Variants in DNAJB11 observed in about 807,000 individuals in gnomAD.
DNAJB11 encodes the protein dnaJ homolog subfamily B member 11.
In DNAJB11, 30 loss-of-function variants were observed where a neutral mutation model predicts 47.2. The observed-to-expected ratio is 0.64, with a 90% CI of 0.48 to 0.86. The LOEUF (loss-of-function observed/expected upper bound fraction) is 0.86, where lower values mean the gene tolerates loss of function less well. Among genes scored for constraint, DNAJB11 ranks in the 40% least tolerant of loss-of-function variants. The pLI is 0.00. For missense variants in DNAJB11, 357 were observed against 440.2 expected, an observed-to-expected ratio of 0.81 and a Z score of 1.69; for synonymous variants, 151 against 159.9, an observed-to-expected ratio of 0.94 and a Z score of 0.42.
chr3:186,579,515 C>T (rs1023074270), intron 4 of DNAJB11: 14 of 152,136 alleles, frequency 9.2e-5, no homozygotes, highest in African/African-American at 3.4e-4. Flanking sequence ...AGTTCCTGGT[C>T]TGTCTAATCT....
chr3:186,580,608 G>A (rs948683015), intron 4 of DNAJB11: 5 of 152,212 alleles, frequency 3.3e-5, no homozygotes, highest in Admixed American at 3.3e-4. Flanking sequence ...TCTGATTACT[G>A]TTATTGTTGC....
intron 2 of DNAJB11, among the ~76,000 whole-genome samples, chr3:186,575,103 A>G (rs1715221247): frequency 3.3e-5 from 5 of 152,248 alleles, no homozygotes; most frequent in Admixed American, 6.5e-5. Context: ...TTAAAACTTC[A>G]AGAATTATTT....
chr3:186,577,796 T>C lies in DNAJB11; in HGVS notation c.452T>C (p.Val151Ala). The C allele has an allele frequency of 6.3e-7, 1 of 1,597,748 alleles. No individual in the cohort carries two copies. Among genetic ancestry groups the C allele is most frequent in the South Asian group, 1.1e-5 (1 of 87,082 alleles). Residue 151 changes from valine to alanine, a missense_variant, in exon 4 of 10, where the codon GTG (valine) becomes GCG (alanine). Transcript: ENST00000265028. ...GAAGAAGTATATGCAGGAAATTTTG[T>C]GGAAGTAAGTTCAAACAATATAGCT... is the stretch of plus-strand genomic sequence containing the variant. ...TLEEVYAGNF[V>A]EVVRNKPVAR... is the part of the protein sequence containing the mutation.
rs368637259 is a variant in DNAJB11 at position 186,570,795 on chromosome 3, C to G, written c.-103C>G. On this transcript the variant is annotated 5_prime_UTR_variant, in exon 1 of 10. Transcript: ENST00000265028. ...GGACCAAGGAGACCCCCGCGCCCCC[C>G]CGGTGTGAGGCGGCCTCACAGGGCC... The G allele has an allele frequency of 7.4e-6, 8 of 1,088,238 alleles. No individual in the cohort carries two copies. The highest frequency in any genetic ancestry group is 8.1e-6 in the Non-Finnish European group (6 of 740,582). 67.4% of individuals were successfully genotyped at this position (1,088,238 alleles called of 1,614,324 possible). A position where few individuals can be genotyped will look rare whatever the true frequency, so the allele number is the denominator to read the frequency against.
In DNAJB11 at chr3:186,570,892, G is replaced by A. The variant is rs149168314; in HGVS notation, c.-6G>A. 5.1e-4 allele frequency: 818 copies of A among 1,604,716 alleles called. No homozygotes were observed. Among genetic ancestry groups the A allele is most frequent in the Non-Finnish European group, 5.9e-4 (689 of 1,175,510 alleles). On this transcript the variant is annotated 5_prime_UTR_variant, in exon 1 of 10. Transcript: ENST00000265028. ...TGTGTGGAACAGGACCCGGGACAGA[G>A]GAACCATGGCTCCGCAGAACCTGAG...
intron 7 of DNAJB11, 70 bp downstream of exon 7, chr3:186,582,843 A>T: frequency 8.9e-7 from 1 of 1,122,860 alleles, no homozygotes; most frequent in South Asian, 1.3e-5. Flanking sequence ...CCACCAGAGC[A>T]GTTAGACTTT....
intron 2 of DNAJB11, among the ~76,000 whole-genome samples, chr3:186,575,368 C>CGCGTGCGCGCGCGCGTGT: frequency 1.4e-5 from 2 of 143,458 alleles, no homozygotes; most frequent in South Asian, 4.5e-4. Flanking sequence ...CGCGCGCGCG[C>CGCGTGCGCGCGCGCGTGT]GTGTGTGTGT....
chr3:186,578,800 T>C (rs1715385930), intron 4 of DNAJB11: 1 of 152,250 alleles, frequency 6.6e-6, no homozygotes, highest in Admixed American at 6.5e-5. Flanking sequence ...TTGTAACTTG[T>C]CTTTTCATTA....
intron 3 of DNAJB11, among the ~76,000 whole-genome samples, chr3:186,576,705 G>C (rs1192376450): frequency 6.6e-6 from 1 of 152,088 alleles, no homozygotes; most frequent in Non-Finnish European, 1.5e-5. Flanking sequence ...GCCTGGGGTG[G>C]GGGAGTAGAT....
intron 2 of DNAJB11, among the ~76,000 whole-genome samples, chr3:186,573,093 C>T (rs1715142563): frequency 6.6e-6 from 1 of 152,120 alleles, no homozygotes; most frequent in South Asian, 2.1e-4. Flanking sequence ...TATATTAGAG[C>T]TAGGCATATT....
chr3:186,581,288 T>C, intron 4 of DNAJB11, 83 bp from the exon 5 acceptor site: 2 of 1,496,970 alleles, frequency 1.3e-6, no homozygotes, highest in Non-Finnish European at 1.8e-6. Context: ...AGTCCAGGCA[T>C]ATGTGCAGAG....
At chr3:186,581,698 T>C (rs1715490647) in intron 5 of DNAJB11, among the ~76,000 whole-genome samples, 185 bp downstream of exon 5, 2 of 151,944 alleles carry the variant, frequency 1.3e-5, no homozygotes, top group African/African-American at 4.8e-5. Flanking sequence ...CTTTTATGTT[T>C]CTGAACTAAC....
chr3:186,583,600 C>T (rs760084601), intron 7 of DNAJB11, among the ~76,000 whole-genome samples: 28 of 152,204 alleles, frequency 1.8e-4, no homozygotes, highest in Admixed American at 6.5e-5. Context: ...GATGATCTCC[C>T]CAGAAGCTGC....
chr3:186,571,117 G>A, intron 1 of DNAJB11, 152 bp downstream of exon 1: 2 of 689,308 alleles, frequency 2.9e-6, no homozygotes, highest in Non-Finnish European at 2.4e-6. Context: ...GGTAGTATGG[G>A]CCAGGCTAGT....
Position 186,585,381 on chromosome 3 carries a change from G to C in DNAJB11, c.1050G>C (p.Lys350Asn). The change falls in exon 10 of 10, where the codon AAG becomes AAC. Residue 350 changes from lysine to asparagine, a missense_variant. Transcript: ENST00000265028. Reference sequence around the variant, plus strand: ...TACTGAAACAAGGGTCAGTGCAGAAGGTATACAATGGACTGCAAGGATATT... The same window carrying C: ...TACTGAAACAAGGGTCAGTGCAGAACGTATACAATGGACTGCAAGGATATT... ...KQLLKQGSVQ[K>N]VYNGLQGY is the part of the protein sequence containing the mutation. 1.9e-6 allele frequency: 3 copies of C among 1,611,678 alleles called. No individual in the cohort carries two copies. Among genetic ancestry groups the C allele is most frequent in the Non-Finnish European group, 2.5e-6 (3 of 1,178,964 alleles).
chr3:186,579,556 A>G (rs185666574), intron 4 of DNAJB11: 2 of 152,274 alleles, frequency 1.3e-5, no homozygotes. Context: ...TGCTTAAAAT[A>G]TATGTGTTAT....
rs935077897 is a variant in DNAJB11, at chr3:186,572,348, T to C, written c.225+97T>C. 9 of 1,160,508 alleles carry C rather than the reference T, an allele frequency of 7.8e-6. No homozygotes were observed. In the Admixed American group the frequency reaches 1.2e-4, roughly 16 times the overall value. The allele number at this position is 1,160,508 out of a possible 1,614,324, so 71.9% of individuals were successfully genotyped here. ...ACTCCTTTCAGCTCACATTTATTTA[T>C]TTATTTATTTATTTTGAGACTGAGT... On this transcript the variant is annotated intron_variant, in intron 2 of 9. Transcript: ENST00000265028.
At chr3:186,574,083 T>A (rs79736582) in intron 2 of DNAJB11, among the ~76,000 whole-genome samples, 2,248 of 152,366 alleles carry the variant, frequency 0.015, 54 homozygotes, top group African/African-American at 0.051. Flanking sequence ...AGTACAGTTA[T>A]GAAGAATCTT....
In DNAJB11 at chr3:186,581,430, G is replaced by A; in HGVS notation, c.516G>A (p.Arg172=). The change falls in exon 5 of 10, where the codon CGG becomes CGA. Residue 172 remains arginine (R), a synonymous_variant. Coordinates refer to ENST00000265028, the MANE Select transcript of DNAJB11 (RefSeq NM_016306.6). The part of the protein sequence containing the change: ...QAPGKRKCNC[R]QEMRTTQLGP... ...CTGGCAAACGGAAGTGCAATTGTCGGCAAGAGATGCGGACCACCCAGCTGG... is the reference window on the plus strand; with the variant it reads ...CTGGCAAACGGAAGTGCAATTGTCGACAAGAGATGCGGACCACCCAGCTGG... 3.7e-6 allele frequency: 6 copies of A among 1,613,874 alleles called. No homozygotes were observed. Among genetic ancestry groups the A allele is most frequent in the Non-Finnish European group, 5.1e-6 (6 of 1,179,956 alleles).
Sources: allele counts gnomAD v4.1 joint callset (sites outside exome capture counted in the v4.1 genomes callset), GRCh38; gene constraint gnomAD v4.1.1; transcripts MANE v1.5; gene names NCBI Gene and HGNC (gene_info 2026-07-23, HGNC 2026-07-21).